The following NOPCHAP1 variants were observed in gnomAD, a reference collection of about 807,000 sequenced individuals.
The protein encoded by NOPCHAP1 is DNA damage-sensitive RNA 1.
NOPCHAP1 carries 13 observed loss-of-function variants against 14.0 expected under a neutral mutation model. That is an observed-to-expected ratio of 0.93 (90% CI 0.60 to 1.47). The LOEUF (loss-of-function observed/expected upper bound fraction) is 1.47, where lower values mean the gene tolerates loss of function less well. NOPCHAP1 is among the 40% of genes most tolerant of loss of function. The probability of loss-of-function intolerance (pLI) is 0.00; values close to 1 mark genes in which losing one functional copy is unlikely to be tolerated. For synonymous variants in NOPCHAP1, 78 were observed against 78.4 expected (o/e 1.00, Z 0.03); for missense variants, 230 against 226.9 (o/e 1.01, Z -0.09).
chr12:104,995,141 C>T lies in NOPCHAP1; in HGVS notation c.*445C>T, dbSNP rs1006846994. The T allele has an allele frequency of 4.1e-5, 8 of 196,634 alleles. 1 individual carries two copies. The highest frequency in any genetic ancestry group is 1.2e-4 in the Admixed American group (2 of 16,418). The allele number at this position is 196,634 out of a possible 1,614,324, so 12.2% of individuals were successfully genotyped here. ...GACTTGGCTATTTGTTATAAAAATA[C>T]ACTCCTGAGTTAGGTTTTGGTGTGT... On this transcript the variant is annotated 3_prime_UTR_variant, in exon 4 of 4. Transcript: ENST00000552951.
intron 3 of NOPCHAP1, among the ~76,000 whole-genome samples, chr12:104,993,377 TCCAGG>T (rs1873424771): frequency 6.6e-6 from 1 of 152,044 alleles, no homozygotes; most frequent in African/African-American, 2.4e-5. Context: ...AAAAAAAACC[TCCAGG>T]ATTGGTGATT....
In NOPCHAP1 at chr12:105,006,288, A is replaced by G. The variant is rs920560061; in HGVS notation, c.*11592A>G. The G allele has an allele frequency of 3.9e-5, 6 of 152,156 alleles. No individual in the cohort carries two copies. The highest frequency in any genetic ancestry group is 1.4e-4 in the African/African-American group (6 of 41,426). The allele number at this position is 152,156 out of a possible 1,614,324, so 9.4% of individuals were successfully genotyped here. A position where few individuals can be genotyped will look rare whatever the true frequency, so the allele number is the denominator to read the frequency against. Reference sequence around the variant, plus strand: ...TTCTAGAATTTCATGATGTTCTATCAGTGTTCTCTTGCATAGCTTTGAAAA... The same window carrying G: ...TTCTAGAATTTCATGATGTTCTATCGGTGTTCTCTTGCATAGCTTTGAAAA... On this transcript the variant is annotated 3_prime_UTR_variant, in exon 4 of 4. Coordinates refer to ENST00000552951, the MANE Select transcript of NOPCHAP1 (RefSeq NM_152318.3).
In NOPCHAP1 at chr12:104,991,799, G is replaced by T; in HGVS notation, c.290G>T (p.Arg97Leu). ...RKEMAAAPPG[R>L]FNIENIDGPH... is the part of the protein sequence containing the mutation. Reference sequence around the variant, plus strand: ...GAAATGGCAGCTGCACCACCTGGTCGTTTCAATATTGAAAACATTGATGGG... The same window carrying T: ...GAAATGGCAGCTGCACCACCTGGTCTTTTCAATATTGAAAACATTGATGGG... The change falls in exon 3 of 4, where the codon CGT becomes CTT. Residue 97 changes from arginine (R) to leucine (L), a missense_variant. By Grantham distance (102) the Arg-to-Leu change is moderately radical. Coordinates refer to ENST00000552951, the MANE Select transcript of NOPCHAP1 (RefSeq NM_152318.3). The T allele has an allele frequency of 1.9e-6, 3 of 1,612,896 alleles. No homozygotes were observed. The highest frequency in any genetic ancestry group is 2.5e-6 in the Non-Finnish European group (3 of 1,179,752).
At position 105,002,887 on chromosome 12, in the gene NOPCHAP1, T is replaced by C. The variant is rs1447489513; in HGVS notation, c.*8191T>C. 1 of 152,200 alleles carries C rather than the reference T, an allele frequency of 6.6e-6. No individual in the cohort carries two copies. Among genetic ancestry groups the C allele is most frequent in the East Asian group, 1.9e-4 (1 of 5,202 alleles). 9.4% of individuals were successfully genotyped at this position (152,200 alleles called of 1,614,324 possible). A position where few individuals can be genotyped will look rare whatever the true frequency, so the allele number is the denominator to read the frequency against. ...GGTTATGGCAGGCAGGCCTGGCTGA[T>C]CAGAGAATCCCATTTTGTAAGGCAT... On this transcript the variant is annotated 3_prime_UTR_variant, in exon 4 of 4. Coordinates refer to ENST00000552951, the MANE Select transcript of NOPCHAP1 (RefSeq NM_152318.3).
At position 105,016,096 on chromosome 12, in the gene NOPCHAP1, T is replaced by A. The variant is rs1158545642; in HGVS notation, c.*21400T>A. 1.3e-5 allele frequency: 2 copies of A among 151,858 alleles called. No individual in the cohort carries two copies. The highest frequency in any genetic ancestry group is 6.6e-5 in the Admixed American group (1 of 15,250). The allele number at this position is 151,858 out of a possible 1,614,324, so 9.4% of individuals were successfully genotyped here. On this transcript the variant is annotated 3_prime_UTR_variant, in exon 4 of 4. Transcript: ENST00000552951. ...AAAAACTAGTGTGTTGCAAATAAATTCAAAAGATAAGGGAAATACTGGGGA... is the reference window on the plus strand; with the variant it reads ...AAAAACTAGTGTGTTGCAAATAAATACAAAAGATAAGGGAAATACTGGGGA...
Position 104,999,813 on chromosome 12 carries a change from G to A in NOPCHAP1, c.*5117G>A, listed in dbSNP as rs1184169984. ...TGCTCAACTCACCCCTTTTCCAGGA[G>A]TCGGGGGCCAGGAACGAGTCTTAGT... On this transcript the variant is annotated 3_prime_UTR_variant, in exon 4 of 4. Coordinates refer to ENST00000552951, the MANE Select transcript of NOPCHAP1 (RefSeq NM_152318.3). 6.6e-6 allele frequency: 1 copy of A among 152,414 alleles called. No individual in the cohort carries two copies. Among genetic ancestry groups the A allele is most frequent in the Non-Finnish European group, 1.5e-5 (1 of 68,240 alleles). The allele number at this position is 152,414 out of a possible 1,614,324, so 9.4% of individuals were successfully genotyped here. A position where few individuals can be genotyped will look rare whatever the true frequency, so the allele number is the denominator to read the frequency against.
intron 3 of NOPCHAP1, among the ~76,000 whole-genome samples, chr12:104,993,471 G>A (rs1565939033): frequency 1.3e-5 from 2 of 152,066 alleles, no homozygotes; most frequent in African/African-American, 4.8e-5. Context: ...TCCTAATGTT[G>A]ACCTAATCTA....
At chr12:104,989,400 G>T (rs185512048) in intron 2 of NOPCHAP1, among the ~76,000 whole-genome samples, 1 of 152,182 alleles carries the variant, frequency 6.6e-6, no homozygotes, top group East Asian at 1.9e-4. Flanking sequence ...AGAATTCTAG[G>T]TTGACAGTGT....
intron 2 of NOPCHAP1, 53 bp from the exon 3 acceptor site, chr12:104,991,659 G>A (rs768309201): frequency 6.6e-7 from 1 of 1,509,612 alleles, no homozygotes. Flanking sequence ...GGAAATCCTG[G>A]GTTTCAGAAT....
rs950475497 is a variant in NOPCHAP1 at position 105,008,077 on chromosome 12, C to T, written c.*13381C>T. The T allele has an allele frequency of 7.9e-5, 12 of 152,208 alleles. No homozygotes were observed. The highest frequency in any genetic ancestry group is 2.9e-4 in the African/African-American group (12 of 41,442). The allele number at this position is 152,208 out of a possible 1,614,324, so 9.4% of individuals were successfully genotyped here. On this transcript the variant is annotated 3_prime_UTR_variant, in exon 4 of 4. Coordinates refer to ENST00000552951, the MANE Select transcript of NOPCHAP1 (RefSeq NM_152318.3). ...TCTAGATCCTTGAGGAATTGCCACA[C>T]TGTCTTCCACAATGGTTGAACTAAT...
Position 105,006,417 on chromosome 12 carries a change from CT to C in NOPCHAP1, c.*11724del, listed in dbSNP as rs554851052. The C allele has an allele frequency of 6.6e-6, 1 of 152,208 alleles. No individual in the cohort carries two copies. Among genetic ancestry groups the C allele is most frequent in the Non-Finnish European group, 1.5e-5 (1 of 68,048 alleles). 9.4% of individuals were successfully genotyped at this position (152,208 alleles called of 1,614,324 possible). On this transcript the variant is annotated 3_prime_UTR_variant, in exon 4 of 4. Transcript: ENST00000552951. ...CTTCTGTTTGGGGGAAAGCAGACCA[CT>C]TTGATACCTTCAATGTTGAACTCTT...
In NOPCHAP1 at chr12:105,003,415, T is replaced by A. The variant is rs1873649656; in HGVS notation, c.*8719T>A. The A allele has an allele frequency of 6.6e-6, 1 of 152,230 alleles. No homozygotes were observed. The highest frequency in any genetic ancestry group is 6.5e-5 in the Admixed American group (1 of 15,290). 9.4% of individuals were successfully genotyped at this position (152,230 alleles called of 1,614,324 possible). A position where few individuals can be genotyped will look rare whatever the true frequency, so the allele number is the denominator to read the frequency against. ...TCTTCTTGTGACTTATCATAGGCCT[T>A]CTACTGGACCCAGTCTCTGGACCCT... is the stretch of plus-strand genomic sequence containing the variant. On this transcript the variant is annotated 3_prime_UTR_variant, in exon 4 of 4. Coordinates refer to ENST00000552951, the MANE Select transcript of NOPCHAP1 (RefSeq NM_152318.3).
Position 105,005,122 on chromosome 12 carries a change from A to G in NOPCHAP1, c.*10426A>G, listed in dbSNP as rs1376769717. On this transcript the variant is annotated 3_prime_UTR_variant, in exon 4 of 4. Transcript: ENST00000552951. ...AAGAAGGCATACTCATTGTAACTTTATGGAAATACATTGTAATTTCTGTCT... is the reference window on the plus strand; with the variant it reads ...AAGAAGGCATACTCATTGTAACTTTGTGGAAATACATTGTAATTTCTGTCT... 1 of 152,150 alleles carries G rather than the reference A, an allele frequency of 6.6e-6. No homozygotes were observed. Among genetic ancestry groups the G allele is most frequent in the Non-Finnish European group, 1.5e-5 (1 of 68,052 alleles). 9.4% of individuals were successfully genotyped at this position (152,150 alleles called of 1,614,324 possible). A position where few individuals can be genotyped will look rare whatever the true frequency, so the allele number is the denominator to read the frequency against.
rs1873965622 is a variant in NOPCHAP1 at position 105,017,267 on chromosome 12, AGGTG to A, written c.*22577_*22580del. 2 of 152,240 alleles carry A rather than the reference AGGTG, an allele frequency of 1.3e-5. No individual in the cohort carries two copies. The highest frequency in any genetic ancestry group is 1.3e-4 in the Admixed American group (2 of 15,282). The allele number at this position is 152,240 out of a possible 1,614,324, so 9.4% of individuals were successfully genotyped here. A position where few individuals can be genotyped will look rare whatever the true frequency, so the allele number is the denominator to read the frequency against. Reference sequence around the variant, plus strand: ...GTAATCCCAGCACTTTGGGAGGCCAAGGTGGGTGGATCACCTGAGGTCAGGAATC... The same window carrying A: ...GTAATCCCAGCACTTTGGGAGGCCAAGGTGGATCACCTGAGGTCAGGAATC... On this transcript the variant is annotated 3_prime_UTR_variant, in exon 4 of 4. Transcript: ENST00000552951.
chr12:104,988,324 C>G (rs1235200522), intron 2 of NOPCHAP1, 71 bp downstream of exon 2: 5 of 1,228,294 alleles, frequency 4.1e-6, no homozygotes, highest in Non-Finnish European at 5.9e-6. Context: ...GGGACGGTCT[C>G]TGCCTTCATT....
rs766601120 is a variant in NOPCHAP1 at position 105,002,150 on chromosome 12, A to G, written c.*7454A>G. The stretch of plus-strand genomic sequence containing the variant: ...AATGAAGGGAGACACCTTAGGGCAA[A>G]TAATTTCTTGGTCTAAGATCTCTTG... On this transcript the variant is annotated 3_prime_UTR_variant, in exon 4 of 4. Transcript: ENST00000552951. 1 of 152,224 alleles carries G rather than the reference A, an allele frequency of 6.6e-6. No homozygotes were observed. Among genetic ancestry groups the G allele is most frequent in the Non-Finnish European group, 1.5e-5 (1 of 68,040 alleles). The allele number at this position is 152,224 out of a possible 1,614,324, so 9.4% of individuals were successfully genotyped here. A position where few individuals can be genotyped will look rare whatever the true frequency, so the allele number is the denominator to read the frequency against.
rs1310326743 is a variant in NOPCHAP1, at chr12:105,014,126, T to G, written c.*19430T>G. The G allele has an allele frequency of 1.3e-5, 2 of 152,184 alleles. No homozygotes were observed. The highest frequency in any genetic ancestry group is 2.9e-5 in the Non-Finnish European group (2 of 68,034). 9.4% of individuals were successfully genotyped at this position (152,184 alleles called of 1,614,324 possible). ...ATAGCAACAGGAGGTGACCACAAAGTTATTACAGTACTAGAGTTAATTTTA... is the reference window on the plus strand; with the variant it reads ...ATAGCAACAGGAGGTGACCACAAAGGTATTACAGTACTAGAGTTAATTTTA... On this transcript the variant is annotated 3_prime_UTR_variant, in exon 4 of 4. Transcript: ENST00000552951.
intron 2 of NOPCHAP1, 32 bp downstream of exon 2, chr12:104,988,285 T>G: frequency 1.3e-6 from 2 of 1,518,030 alleles, no homozygotes; most frequent in Non-Finnish European, 1.8e-6. Flanking sequence ...TCACCCTCTC[T>G]AATGCTGAGT....
chr12:105,004,133 T>G lies in NOPCHAP1; in HGVS notation c.*9437T>G, dbSNP rs1175951323. On this transcript the variant is annotated 3_prime_UTR_variant, in exon 4 of 4. Transcript: ENST00000552951. ...TTTTAAAGAGTTGGGATATATAGCATTTGGATGTCTTCCCAGGGTAGAATG... is the reference window on the plus strand; with the variant it reads ...TTTTAAAGAGTTGGGATATATAGCAGTTGGATGTCTTCCCAGGGTAGAATG... The G allele has an allele frequency of 6.6e-6, 1 of 152,180 alleles. No homozygotes were observed. The highest frequency in any genetic ancestry group is 2.4e-5 in the African/African-American group (1 of 41,446). 9.4% of individuals were successfully genotyped at this position (152,180 alleles called of 1,614,324 possible). A position where few individuals can be genotyped will look rare whatever the true frequency, so the allele number is the denominator to read the frequency against.
Sources: allele counts gnomAD v4.1 joint callset (sites outside exome capture counted in the v4.1 genomes callset), GRCh38; gene constraint gnomAD v4.1.1; transcripts MANE v1.5; gene names NCBI Gene and HGNC (gene_info 2026-07-23, HGNC 2026-07-21).